FSD1L: variants seen among roughly 807,000 people sequenced by gnomAD.
FSD1L encodes FSD1-like protein.
FSD1L carries 45 observed loss-of-function variants against 71.6 expected under a neutral mutation model. That is an observed-to-expected ratio of 0.63 (90% CI 0.49 to 0.81). The LOEUF is 0.81. Ranked by LOEUF, FSD1L falls within the 30% of genes least tolerant of loss-of-function variation. The pLI, the probability that FSD1L is intolerant of heterozygous loss-of-function variation, is 0.00. For synonymous variants in FSD1L, 197 were observed against 207.2 expected (o/e 0.95, Z 0.42); for missense variants, 561 against 618.1 (o/e 0.91, Z 0.98).
intron 10 of FSD1L, among the ~76,000 whole-genome samples, chr9:105,515,157 A>G (rs981678710): frequency 2.9e-4 from 44 of 152,104 alleles, no homozygotes; most frequent in Non-Finnish European, 2.2e-4. Context: ...AGGGCAGCTC[A>G]CCCTACCCTG....
chr9:105,484,557 GA>G (rs751252998), intron 7 of FSD1L, 55 bp downstream of exon 7: 34 of 1,258,760 alleles, frequency 2.7e-5, no homozygotes, highest in East Asian at 1.2e-4. Flanking sequence ...TTTTCTACAA[GA>G]TTTTTTTGCA....
intron 7 of FSD1L, among the ~76,000 whole-genome samples, chr9:105,485,996 T>A (rs1200626699): frequency 1.3e-5 from 2 of 149,864 alleles, no homozygotes; most frequent in Non-Finnish European, 2.9e-5. Flanking sequence ...CCATTCCTTT[T>A]TTCCTTGAAT....
intron 1 of FSD1L, among the ~76,000 whole-genome samples, chr9:105,460,511 G>C (rs2131598127): frequency 6.7e-6 from 1 of 149,052 alleles, no homozygotes; most frequent in Admixed American, 6.9e-5. Context: ...AGAATTGCTT[G>C]AACCCAGGAG....
At chr9:105,537,858 T>C (rs1208756745) in intron 12 of FSD1L, among the ~76,000 whole-genome samples, 2 of 152,322 alleles carry the variant, frequency 1.3e-5, no homozygotes, top group East Asian at 3.8e-4. Context: ...CCTTAATAAG[T>C]GTTGAGTAAC....
At chr9:105,524,340 C>G in intron 10 of FSD1L, 1 of 1,613,840 alleles carries the variant, frequency 6.2e-7, no homozygotes, top group Non-Finnish European at 8.5e-7. Context: ...GAAAATTATT[C>G]AGATCCTAAT....
chr9:105,526,521 A>G (rs112464494), intron 10 of FSD1L, among the ~76,000 whole-genome samples: 24 of 152,346 alleles, frequency 1.6e-4, no homozygotes, highest in African/African-American at 5.3e-4. Flanking sequence ...GGCTCAGCCA[A>G]TAAATCCTAA....
intron 5 of FSD1L, among the ~76,000 whole-genome samples, chr9:105,475,643 C>T (rs1806898): frequency 0.56 from 85,009 of 152,062 alleles, 24,039 homozygotes; most frequent in East Asian, 0.7. Flanking sequence ...TTGTTAAGCA[C>T]AGGTCAAATT....
At chr9:105,519,316 C>T (rs1024039565) in intron 10 of FSD1L, among the ~76,000 whole-genome samples, 1 of 152,146 alleles carries the variant, frequency 6.6e-6, no homozygotes, top group African/African-American at 2.4e-5. Context: ...AGGCCAGCAT[C>T]ATCCTGATAC....
Position 105,544,952 on chromosome 9 carries a change from C to A in FSD1L, c.1468-1406C>A, listed in dbSNP as rs191281875. On this transcript the variant is annotated intron_variant, in intron 13 of 13. Coordinates refer to ENST00000481272, the MANE Select transcript of FSD1L (RefSeq NM_001145313.3). ...TATTAACTTTAAAGTAGTTTTTTCCCATTCTGTGAAGAAAGTCAGTGGTAG... is the reference window on the plus strand; with the variant it reads ...TATTAACTTTAAAGTAGTTTTTTCCAATTCTGTGAAGAAAGTCAGTGGTAG... Among the ~76,000 whole-genome samples the A allele has an allele frequency of 8.0e-3, 1,210 of 152,114 alleles. 17 individuals carry two copies. The highest frequency in any genetic ancestry group is 0.022 in the African/African-American group (922 of 41,526).
chr9:105,492,242 G>A (rs891240557), intron 7 of FSD1L, among the ~76,000 whole-genome samples: 9 of 151,978 alleles, frequency 5.9e-5, no homozygotes, highest in African/African-American at 1.5e-4. Flanking sequence ...TGTATGTGTC[G>A]AGGAATTTAT....
chr9:105,502,884 A>AT (rs60907043), intron 7 of FSD1L, among the ~76,000 whole-genome samples: 6,651 of 135,186 alleles, frequency 0.049, 172 homozygotes, highest in South Asian at 0.086. Context: ...CTGTAATAAG[A>AT]TTTTTTTTTT....
rs148720299 is a variant in FSD1L, at chr9:105,453,330, C to T, written c.15+5095C>T. On this transcript the variant is annotated intron_variant, in intron 1 of 13. Transcript: ENST00000481272. ...CCTCGTAGCTGGGATTATAGGCGCCCGCCACCACACTCAGCTAATTTTTTA... is the reference window on the plus strand; with the variant it reads ...CCTCGTAGCTGGGATTATAGGCGCCTGCCACCACACTCAGCTAATTTTTTA... Among the ~76,000 whole-genome samples, 126 of 151,828 alleles carry T rather than the reference C, an allele frequency of 8.3e-4. No individual in the cohort carries two copies. In the East Asian group the frequency reaches 0.022, roughly 26 times the overall value.
chr9:105,482,622 G>A (rs769279783), intron 6 of FSD1L, among the ~76,000 whole-genome samples: 21 of 152,256 alleles, frequency 1.4e-4, no homozygotes, highest in African/African-American at 3.1e-4. Flanking sequence ...AATACATGAA[G>A]TTAAAAATTA....
intron 10 of FSD1L, chr9:105,525,290 T>G: frequency 6.2e-7 from 1 of 1,608,786 alleles, no homozygotes; most frequent in Non-Finnish European, 8.5e-7. Flanking sequence ...GAAGATGCTC[T>G]TGATGAACTC....
chr9:105,487,915 A>G lies in FSD1L; in HGVS notation c.586+3413A>G, dbSNP rs377398953. On this transcript the variant is annotated intron_variant, in intron 7 of 13. Transcript: ENST00000481272. ...TAAGTTTACAGTAAAGTTGAATGAA[A>G]GGTATGGAGATTTCTCATATACCTT... is the stretch of plus-strand genomic sequence containing the variant. 1.8e-3 allele frequency among the ~76,000 whole-genome samples: 271 copies of G among 152,322 alleles called. 1 individual carries two copies. The highest frequency in any genetic ancestry group is 2.8e-3 in the Non-Finnish European group (190 of 68,026).
chr9:105,450,845 A>G (rs1829952857), intron 1 of FSD1L, among the ~76,000 whole-genome samples: 2 of 151,896 alleles, frequency 1.3e-5, no homozygotes, highest in South Asian at 4.2e-4. Flanking sequence ...TCTTGCATTC[A>G]TTTTTAAAAC....
chr9:105,444,702 T>C (rs147220266), upstream of FSD1L, among the ~76,000 whole-genome samples: 1 of 152,326 alleles, frequency 6.6e-6, no homozygotes, highest in Non-Finnish European at 1.5e-5. Context: ...AGGATAAATG[T>C]CTATGACTAG....
rs1385477560 is a variant in FSD1L at position 105,547,386 on chromosome 9, A to G, written c.*903A>G. ...AGGAATCAAAGTTTATTAAAGTTAC[A>G]TAGAGGATTGAAAAATGTATATCAC... On this transcript the variant is annotated 3_prime_UTR_variant, in exon 14 of 14. Transcript: ENST00000481272. The G allele has an allele frequency of 3.3e-5, 5 of 152,512 alleles. No homozygotes were observed. The highest frequency in any genetic ancestry group is 6.6e-5 in the Admixed American group (1 of 15,252). 9.4% of individuals were successfully genotyped at this position (152,512 alleles called of 1,614,324 possible).
At chr9:105,541,514 AATTAT>A (rs1363395801) in intron 13 of FSD1L, among the ~76,000 whole-genome samples, 1 of 149,386 alleles carries the variant, frequency 6.7e-6, no homozygotes, top group Non-Finnish European at 1.5e-5. Context: ...ATAATACTCT[AATTAT>A]ATTAGTATAT....
Sources: allele counts gnomAD v4.1 joint callset (sites outside exome capture counted in the v4.1 genomes callset), GRCh38; gene constraint gnomAD v4.1.1; transcripts MANE v1.5; gene names NCBI Gene and HGNC (gene_info 2026-07-23, HGNC 2026-07-21).